The following NFASC variants were observed in gnomAD, a reference collection of about 807,000 sequenced individuals.
The protein encoded by NFASC is neurofascin.
In NFASC, 43 loss-of-function variants were observed where a neutral mutation model predicts 147.5. The observed-to-expected ratio is 0.29, with a 90% confidence interval of 0.23 to 0.38. NFASC has a LOEUF of 0.38. NFASC is among the 10% of genes least tolerant of loss of function. The probability of loss-of-function intolerance (pLI) is 1.00; values close to 1 mark genes in which losing one functional copy is unlikely to be tolerated. For synonymous variants in NFASC, 622 were observed against 665.5 expected, an observed-to-expected ratio of 0.93 and a Z score of 1.01; for missense variants, 1,320 against 1,689.0, an observed-to-expected ratio of 0.78 and a Z score of 3.83.
chr1:204,936,332 G>C (rs2092837996), intron 2 of NFASC, among the ~76,000 whole-genome samples: 1 of 151,526 alleles, frequency 6.6e-6, no homozygotes, highest in East Asian at 1.9e-4. Context: ...CTCCCGAGTA[G>C]CTGGGATTAC....
intron 2 of NFASC, among the ~76,000 whole-genome samples, chr1:204,924,999 T>C (rs545050229): frequency 6.6e-6 from 1 of 152,268 alleles, no homozygotes; most frequent in South Asian, 2.1e-4. Flanking sequence ...CCTCAGCCTC[T>C]CGTGTAGCTG....
chr1:204,940,464 A>G (rs2093286232), intron 2 of NFASC, among the ~76,000 whole-genome samples: 3 of 152,166 alleles, frequency 2.0e-5, no homozygotes, highest in Non-Finnish European at 2.9e-5. Flanking sequence ...AAAATAAATT[A>G]ATTAAATTAA....
At chr1:204,959,129 C>G (rs1296255284) in intron 8 of NFASC, among the ~76,000 whole-genome samples, 2 of 151,372 alleles carry the variant, frequency 1.3e-5, no homozygotes, top group African/African-American at 4.9e-5. Flanking sequence ...TATTTCTCCT[C>G]CCTCTTTCTT....
chr1:204,830,530 G>A (rs890956053), intron 1 of NFASC, among the ~76,000 whole-genome samples: 2 of 152,118 alleles, frequency 1.3e-5, no homozygotes, highest in African/African-American at 4.8e-5. Context: ...TGGCACTTCG[G>A]AGGGAGTAAT....
intron 1 of NFASC, among the ~76,000 whole-genome samples, chr1:204,839,578 G>T (rs1674709918): frequency 6.6e-6 from 1 of 152,102 alleles, no homozygotes; most frequent in Non-Finnish European, 1.5e-5. Flanking sequence ...CCACCTCCAT[G>T]CCTGCAGTGA....
chr1:204,943,062 G>A (rs1033364164), intron 2 of NFASC, among the ~76,000 whole-genome samples: 1 of 152,036 alleles, frequency 6.6e-6, no homozygotes, highest in Admixed American at 6.6e-5. Flanking sequence ...ATTGAGAGTG[G>A]GCTTCAATTT....
chr1:204,937,812 T>C (rs2092996945), intron 2 of NFASC, among the ~76,000 whole-genome samples: 1 of 152,192 alleles, frequency 6.6e-6, no homozygotes, highest in African/African-American at 2.4e-5. Context: ...GGATTTTTGG[T>C]TCAACATATA....
intron 1 of NFASC, among the ~76,000 whole-genome samples, chr1:204,879,057 C>T (rs2079597003): frequency 6.6e-6 from 1 of 152,206 alleles, no homozygotes; most frequent in African/African-American, 2.4e-5. Context: ...AGGGGAATAG[C>T]ACTGAGCCAA....
At chr1:204,882,434 C>A (rs181444359) in intron 1 of NFASC, among the ~76,000 whole-genome samples, 2 of 152,326 alleles carry the variant, frequency 1.3e-5, no homozygotes, top group East Asian at 1.9e-4. Context: ...TATTCCCCCC[C>A]TCACCTCCCA....
At chr1:204,879,219 G>A (rs2079628452) in intron 1 of NFASC, among the ~76,000 whole-genome samples, 1 of 152,200 alleles carries the variant, frequency 6.6e-6, no homozygotes, top group African/African-American at 2.4e-5. Context: ...ACTATGACAA[G>A]TTGGTTAATC....
Position 204,924,088 on chromosome 1 carries a change from C to T in NFASC, c.-91+3348C>T, listed in dbSNP as rs571967255. On this transcript the variant is annotated intron_variant, in intron 2 of 29. Transcript: ENST00000339876. ...TGGTATAAGCACTTGCAGCCGCCAG[C>T]GCTTTGCAACCAGACTTCTAGACAA... Among the ~76,000 whole-genome samples, 10 of 152,364 alleles carry T rather than the reference C, an allele frequency of 6.6e-5. No individual in the cohort carries two copies. The South Asian group carries it at 1.4e-3, about 22-fold the overall frequency.
chr1:204,995,567 G>A (rs2095830492), intron 24 of NFASC, among the ~76,000 whole-genome samples: 1 of 152,078 alleles, frequency 6.6e-6, no homozygotes, highest in African/African-American at 2.4e-5. Flanking sequence ...TGAGCTTTGA[G>A]CCTGCCCAGG....
chr1:204,974,556 C>T, intron 13 of NFASC, 101 bp from the exon 14 acceptor site: 2 of 1,353,140 alleles, frequency 1.5e-6, no homozygotes, highest in Non-Finnish European at 2.1e-6. Context: ...TAGCATGGGG[C>T]TCCTTCCACA....
At chr1:204,916,988 G>C (rs1044435744) in intron 1 of NFASC, among the ~76,000 whole-genome samples, 1 of 152,170 alleles carries the variant, frequency 6.6e-6, no homozygotes, top group African/African-American at 2.4e-5. Flanking sequence ...AGCCAAGGTG[G>C]GAGAATTGCT....
intron 1 of NFASC, among the ~76,000 whole-genome samples, chr1:204,911,401 G>A (rs547566538): frequency 6.6e-6 from 1 of 152,056 alleles, no homozygotes; most frequent in Admixed American, 6.5e-5. Context: ...TTTTATTTAA[G>A]AAATGGAGGT....
At chr1:204,876,592 C>T (rs1205113895) in intron 1 of NFASC, among the ~76,000 whole-genome samples, 2 of 152,152 alleles carry the variant, frequency 1.3e-5, no homozygotes, top group Admixed American at 1.3e-4. Context: ...GACCATTAAA[C>T]ACTACCTCCT....
intron 1 of NFASC, among the ~76,000 whole-genome samples, chr1:204,860,030 G>C (rs1170518713): frequency 6.6e-6 from 1 of 152,170 alleles, no homozygotes; most frequent in Admixed American, 6.5e-5. Flanking sequence ...GGGTTACCCG[G>C]CAGAAGAGTG....
intron 1 of NFASC, chr1:204,870,903 A>G: frequency 8.3e-7 from 1 of 1,206,732 alleles, no homozygotes. Context: ...CTCTGAGGCC[A>G]ACTTTCAGGG....
intron 1 of NFASC, among the ~76,000 whole-genome samples, chr1:204,849,167 G>A (rs2075440277): frequency 6.6e-6 from 1 of 152,204 alleles, no homozygotes; most frequent in Non-Finnish European, 1.5e-5. Context: ...GACCCCATTC[G>A]TGGACTTAGC....
Sources: gnomAD v4.1 joint callset for allele counts (sites outside exome capture counted in the v4.1 genomes callset) on GRCh38, gnomAD v4.1.1 for gene constraint, MANE v1.5 for transcripts, NCBI Gene and HGNC (gene_info 2026-07-23, HGNC 2026-07-21) for gene names.